Variants in ADGRL3 observed in about 807,000 individuals in gnomAD.
The protein encoded by ADGRL3 is calcium-independent alpha-latrotoxin receptor 3.
In ADGRL3, 62 loss-of-function variants were observed where a neutral mutation model predicts 153.5. The ratio of observed to expected loss-of-function variants is 0.40; its 90% confidence interval spans 0.33 to 0.50. The LOEUF is 0.50. Ranked by LOEUF, ADGRL3 falls within the 20% of genes least tolerant of loss-of-function variation. The pLI is 0.47. For missense variants in ADGRL3, 1,641 were observed against 1,859.4 expected (o/e 0.88, Z 2.16); for synonymous variants, 710 against 672.5 (o/e 1.06, Z -0.86).
intron 9 of ADGRL3, among the ~76,000 whole-genome samples, chr4:61,836,342 G>A (rs2097934741): frequency 6.6e-6 from 1 of 151,880 alleles, no homozygotes; most frequent in African/African-American, 2.4e-5. Flanking sequence ...ATAATATTTG[G>A]GACAAAAATT....
chr4:61,587,381 T>C lies in ADGRL3; in HGVS notation c.414T>C (p.Pro138=), dbSNP rs763145696. ...ATGACAAAATTTGTGACTCTGACCCTGCTCAGATGGAGAATATCCGATGTT... is the reference window on the plus strand; with the variant it reads ...ATGACAAAATTTGTGACTCTGACCCCGCTCAGATGGAGAATATCCGATGTT... ...RTDDKICDSD[P]AQMENIRCYL... The change falls in exon 5 of 27, where the codon CCT becomes CCC. Residue 138 remains proline (P), a synonymous_variant. Coordinates refer to ENST00000683033, the MANE Select transcript of ADGRL3 (RefSeq NM_001387552.1). The C allele has an allele frequency of 6.8e-6, 11 of 1,612,556 alleles. No homozygotes were observed. The South Asian group carries it at 1.2e-4, about 18-fold the overall frequency.
chr4:61,390,885 C>T (rs559570777), intron 2 of ADGRL3, among the ~76,000 whole-genome samples: 7 of 152,276 alleles, frequency 4.6e-5, no homozygotes, highest in East Asian at 1.9e-4. Context: ...TCCTATGTAT[C>T]GTACAATGTG....
intron 6 of ADGRL3, among the ~76,000 whole-genome samples, chr4:61,683,639 T>C (rs1265089455): frequency 6.6e-6 from 1 of 152,060 alleles, no homozygotes; most frequent in African/African-American, 2.4e-5. Context: ...AAAGGGTAGC[T>C]ATATGTAAAA....
At position 62,075,113 on chromosome 4, in the gene ADGRL3, C is replaced by T. The variant is rs1746738113; in HGVS notation, c.*4205C>T. ...ACTCCAGACTAATCTATATCATCCC[C>T]TAATAATGAAAAAACAATTAGTTTT... On this transcript the variant is annotated 3_prime_UTR_variant, in exon 27 of 27. Coordinates refer to ENST00000683033, the MANE Select transcript of ADGRL3 (RefSeq NM_001387552.1). 6.6e-6 allele frequency: 1 copy of T among 152,194 alleles called. No homozygotes were observed. The highest frequency in any genetic ancestry group is 1.5e-5 in the Non-Finnish European group (1 of 68,020). The allele number at this position is 152,194 out of a possible 1,614,324, so 9.4% of individuals were successfully genotyped here.
chr4:61,924,323 C>T (rs1297257950), intron 13 of ADGRL3, among the ~76,000 whole-genome samples: 1 of 152,078 alleles, frequency 6.6e-6, no homozygotes, highest in African/African-American at 2.4e-5. Context: ...GCTTGGAGTG[C>T]CCCCTAGCAC....
intron 11 of ADGRL3, among the ~76,000 whole-genome samples, chr4:61,898,916 C>T (rs1445773002): frequency 1.3e-5 from 2 of 152,088 alleles, no homozygotes; most frequent in African/African-American, 2.4e-5. Context: ...CATGCCCCAC[C>T]ACCCTAATCT....
At position 61,317,637 on chromosome 4, in the gene ADGRL3, G is replaced by A. The variant is rs78030691; in HGVS notation, c.-239-65487G>A. On this transcript the variant is annotated intron_variant, in intron 1 of 26. Coordinates refer to ENST00000683033, the MANE Select transcript of ADGRL3 (RefSeq NM_001387552.1). ...CAGAGGAGAATGAGTTGTGAAATGT[G>A]AATGAAGATTAGTGGACAGCAAGGT... Among the ~76,000 whole-genome samples the A allele has an allele frequency of 9.6e-3, 1,463 of 152,212 alleles. 20 individuals carry two copies. The highest frequency in any genetic ancestry group is 0.034 in the Middle Eastern group (10 of 294).
rs1234974467 is a variant in ADGRL3 at position 61,202,872 on chromosome 4, G to C, written c.-240+1107G>C. ...ATTTTTGCGCCCCAGGGACGGCAGA[G>C]AGATATTTGCGGGGATGCCGGAGCT... On this transcript the variant is annotated intron_variant, in intron 1 of 26. Transcript: ENST00000683033. This position sits in a 1 kb window ranked among gnomAD's most constrained non-coding sequence, Gnocchi z 5.0. Among the ~76,000 whole-genome samples the C allele has an allele frequency of 1.3e-5, 2 of 152,222 alleles. No individual in the cohort carries two copies. The highest frequency in any genetic ancestry group is 2.4e-5 in the African/African-American group (1 of 41,470).
At chr4:61,806,298 T>C (rs2097551442) in intron 8 of ADGRL3, among the ~76,000 whole-genome samples, 1 of 152,116 alleles carries the variant, frequency 6.6e-6, no homozygotes, top group African/African-American at 2.4e-5. Flanking sequence ...TTTAAAATTA[T>C]AGCAAATGTT....
Position 62,007,298 on chromosome 4 carries a change from G to A in ADGRL3, c.3395+9033G>A, listed in dbSNP as rs2099162570. 2.1e-5 allele frequency among the ~76,000 whole-genome samples: 3 copies of A among 142,456 alleles called. No individual in the cohort carries two copies. In the South Asian group the frequency reaches 6.8e-4, roughly 32 times the overall value. 93.5% of individuals were successfully genotyped at this position (142,456 alleles called of 152,430 possible). A position where few individuals can be genotyped will look rare whatever the true frequency, so the allele number is the denominator to read the frequency against. On this transcript the variant is annotated intron_variant, in intron 21 of 26. Transcript: ENST00000683033. ...GGGAAAGCAAAGGTCTGGCAAAGGG[G>A]CTGTGGGAACAGGACATTCTCAACA...
chr4:61,737,240 G>A (rs2096529702), intron 8 of ADGRL3, among the ~76,000 whole-genome samples: 1 of 152,028 alleles, frequency 6.6e-6, no homozygotes, highest in African/African-American at 2.4e-5. Context: ...ACCATCTGTT[G>A]GTAGCAGGCT....
intron 21 of ADGRL3, among the ~76,000 whole-genome samples, chr4:62,023,567 G>A (rs2099247592): frequency 6.6e-6 from 1 of 152,116 alleles, no homozygotes; most frequent in Non-Finnish European, 1.5e-5. Context: ...AAACTTCACT[G>A]TGGTCTTATT....
intron 9 of ADGRL3, among the ~76,000 whole-genome samples, chr4:61,877,294 G>T (rs1189510463): frequency 6.6e-6 from 1 of 152,094 alleles, no homozygotes; most frequent in Non-Finnish European, 1.5e-5. Flanking sequence ...CTACCTCAAT[G>T]GTTCCCTGCT....
intron 9 of ADGRL3, among the ~76,000 whole-genome samples, chr4:61,847,584 G>GTA (rs1445900354): frequency 7.8e-5 from 8 of 102,188 alleles, no homozygotes; most frequent in African/African-American, 2.8e-4. Context: ...GTGTGTGTGT[G>GTA]TGTATATATA....
chr4:61,287,691 A>T (rs1050222966), intron 1 of ADGRL3, among the ~76,000 whole-genome samples: 39 of 151,890 alleles, frequency 2.6e-4, no homozygotes, highest in African/African-American at 8.9e-4. Flanking sequence ...GATTCATATT[A>T]TTGGGTCTGA....
At chr4:61,207,513 G>A (rs1252487531) in intron 1 of ADGRL3, among the ~76,000 whole-genome samples, 2 of 152,128 alleles carry the variant, frequency 1.3e-5, no homozygotes, top group Non-Finnish European at 2.9e-5. Context: ...AAACATACAT[G>A]TGCATGTGTC....
chr4:61,468,997 G>C (rs552827294), intron 2 of ADGRL3, among the ~76,000 whole-genome samples: 41 of 152,190 alleles, frequency 2.7e-4, no homozygotes, highest in African/African-American at 9.1e-4. Context: ...CAGAGCTCTA[G>C]ACTGTACGCT....
chr4:61,396,545 G>A (rs2096870892), intron 2 of ADGRL3, among the ~76,000 whole-genome samples: 1 of 151,830 alleles, frequency 6.6e-6, no homozygotes, highest in African/African-American at 2.4e-5. Flanking sequence ...GTCGAACTGA[G>A]GTGTTTGGCA....
At chr4:61,549,504 AGT>A in intron 4 of ADGRL3, among the ~76,000 whole-genome samples, 1 of 151,946 alleles carries the variant, frequency 6.6e-6, no homozygotes, top group South Asian at 2.1e-4. Context: ...TGCTATCCTC[AGT>A]GTAATTATCA....
Sources: allele counts gnomAD v4.1 joint callset (sites outside exome capture counted in the v4.1 genomes callset), GRCh38; gene constraint gnomAD v4.1.1; non-coding constraint Gnocchi (gnomAD v3.1); transcripts MANE v1.5; gene names NCBI Gene and HGNC (gene_info 2026-07-23, HGNC 2026-07-21).